Variants in NCKAP5 observed in about 807,000 individuals in gnomAD.
NCKAP5 encodes the protein NCK associated protein 5, also known as nck-associated protein 5.
A neutral mutation model predicts 167.0 loss-of-function variants in NCKAP5; 92 were observed. The observed-to-expected ratio is 0.55, with a 90% CI of 0.47 to 0.66. The LOEUF is 0.66. NCKAP5 is among the 30% of genes least tolerant of loss of function. NCKAP5 has a pLI of 0.00. For synonymous variants in NCKAP5, 891 were observed against 877.4 expected, an observed-to-expected ratio of 1.02 and a Z score of -0.27; for missense variants, 2,378 against 2,315.0, an observed-to-expected ratio of 1.03 and a Z score of -0.56.
intron 9 of NCKAP5, among the ~76,000 whole-genome samples, chr2:132,876,429 T>C (rs1691281466): frequency 1.3e-5 from 2 of 152,186 alleles, no homozygotes; most frequent in Admixed American, 1.3e-4. Context: ...TTTATCCACC[T>C]GTGTATGTTT....
chr2:133,090,748 C>T (rs2081149974), intron 6 of NCKAP5, among the ~76,000 whole-genome samples: 1 of 151,830 alleles, frequency 6.6e-6, no homozygotes, highest in Non-Finnish European at 1.5e-5. Flanking sequence ...GTTTGTTTTG[C>T]CCTAAGACTT....
intron 4 of NCKAP5, among the ~76,000 whole-genome samples, chr2:133,269,297 G>T (rs1470132727): frequency 1.3e-5 from 2 of 152,154 alleles, no homozygotes; most frequent in South Asian, 4.1e-4. Context: ...TTAGAAAAGA[G>T]TACATAAGTA....
At chr2:133,425,229 A>G (rs111837502) in intron 3 of NCKAP5, among the ~76,000 whole-genome samples, 8 of 152,348 alleles carry the variant, frequency 5.3e-5, no homozygotes, top group South Asian at 2.1e-4. Context: ...ACATTATCGC[A>G]CAGGTGAAGA....
At chr2:133,011,000 T>C (rs1044247191) in intron 6 of NCKAP5, among the ~76,000 whole-genome samples, 19 of 152,252 alleles carry the variant, frequency 1.2e-4, no homozygotes, top group African/African-American at 4.1e-4. Flanking sequence ...GATAATAGTA[T>C]AAAATAAAAA....
At chr2:133,621,024 T>A in the NCKAP5 span, among the ~76,000 whole-genome samples, 1 of 152,270 alleles carries the variant, frequency 6.6e-6, no homozygotes, top group Non-Finnish European at 1.5e-5. Context: ...GAATGCACAC[T>A]GGGTCAACAA....
At chr2:133,035,591 T>C (rs2079015786) in intron 6 of NCKAP5, among the ~76,000 whole-genome samples, 1 of 151,794 alleles carries the variant, frequency 6.6e-6, no homozygotes, top group African/African-American at 2.4e-5. Context: ...AAACTTGAAA[T>C]TAATAATGAG....
At chr2:133,095,835 C>G (rs913490928) in intron 6 of NCKAP5, among the ~76,000 whole-genome samples, 1 of 152,096 alleles carries the variant, frequency 6.6e-6, no homozygotes, top group Admixed American at 6.6e-5. Flanking sequence ...TTAAACTGGA[C>G]CATACGAAAT....
intron 3 of NCKAP5, among the ~76,000 whole-genome samples, chr2:133,480,625 C>T (rs1180402265): frequency 6.6e-6 from 1 of 152,180 alleles, no homozygotes; most frequent in Non-Finnish European, 1.5e-5. Context: ...GTAGACAATT[C>T]TACTCTTCAG....
At chr2:133,010,344 C>T (rs930144869) in intron 6 of NCKAP5, among the ~76,000 whole-genome samples, 8 of 152,164 alleles carry the variant, frequency 5.3e-5, no homozygotes, top group Non-Finnish European at 1.0e-4. Context: ...AAACACAAAG[C>T]ATTATAGATC....
chr2:132,733,301 C>A (rs114883362), intron 16 of NCKAP5, among the ~76,000 whole-genome samples: 207 of 152,224 alleles, frequency 1.4e-3, no homozygotes, highest in African/African-American at 4.7e-3. Flanking sequence ...ACTGGGTAAG[C>A]GGAACAACTT....
intron 12 of NCKAP5, among the ~76,000 whole-genome samples, chr2:132,792,381 C>T (rs1684144227): frequency 6.6e-6 from 1 of 152,172 alleles, no homozygotes; most frequent in African/African-American, 2.4e-5. Flanking sequence ...ATATTTGTAT[C>T]TCCACAGATG....
intron 11 of NCKAP5, among the ~76,000 whole-genome samples, chr2:132,812,443 C>T (rs1005125142): frequency 6.6e-6 from 1 of 152,170 alleles, no homozygotes; most frequent in Non-Finnish European, 1.5e-5. Flanking sequence ...TGGACATAAA[C>T]TTAAGGACTG....
chr2:132,743,779 CTATT>C (rs987648869), intron 16 of NCKAP5, among the ~76,000 whole-genome samples: 3 of 151,358 alleles, frequency 2.0e-5, no homozygotes, highest in Non-Finnish European at 3.0e-5. Flanking sequence ...CAAAATATAC[CTATT>C]TATATGCTGT....
Position 133,413,858 on chromosome 2 carries a change from G to A in NCKAP5, c.69+103600C>T, listed in dbSNP as rs530434705. On this transcript the variant is annotated intron_variant, in intron 3 of 19. Coordinates refer to ENST00000409261, the MANE Select transcript of NCKAP5 (RefSeq NM_207363.3). Reference sequence around the variant, plus strand: ...GCTTCACTATTTATGTTATTTGTCTGGTCCCAATGGACATTAGATTTTTCT... The same window carrying A: ...GCTTCACTATTTATGTTATTTGTCTAGTCCCAATGGACATTAGATTTTTCT... 2.0e-5 allele frequency among the ~76,000 whole-genome samples: 3 copies of A among 152,230 alleles called. No homozygotes were observed. In the East Asian group the frequency reaches 5.8e-4, roughly 29 times the overall value.
At chr2:133,533,437 A>G (rs1291285165) in intron 2 of NCKAP5, among the ~76,000 whole-genome samples, 3 of 152,236 alleles carry the variant, frequency 2.0e-5, no homozygotes, top group African/African-American at 7.2e-5. Flanking sequence ...CTTTGATTAC[A>G]TGAGTTCTTA....
At chr2:132,793,600 A>G (rs1684246193) in intron 12 of NCKAP5, among the ~76,000 whole-genome samples, 1 of 152,204 alleles carries the variant, frequency 6.6e-6, no homozygotes, top group Non-Finnish European at 1.5e-5. Context: ...AGGAGAAGCT[A>G]TTAAAGAAGT....
intron 19 of NCKAP5, among the ~76,000 whole-genome samples, chr2:132,682,970 C>T (rs1295856707): frequency 1.3e-5 from 2 of 151,544 alleles, no homozygotes; most frequent in African/African-American, 4.9e-5. Context: ...CTTCAACCTC[C>T]ACCTCCCAGT....
Position 132,785,515 on chromosome 2 carries a change from C to A in NCKAP5, c.1296G>T (p.Ser432=), listed in dbSNP as rs142356779. ...TTCCAGGAGAATATATTCCTTCATTCGAGTTCATGCAATCTTTATAACCCC... is the reference window on the plus strand; with the variant it reads ...TTCCAGGAGAATATATTCCTTCATTAGAGTTCATGCAATCTTTATAACCCC... ...TKWGYKDCMN[S]NEGIYSPGIK... Residue 432 remains serine (S), a synonymous_variant, in exon 14 of 20, where the codon TCG becomes TCT. Coordinates refer to ENST00000409261, the MANE Select transcript of NCKAP5 (RefSeq NM_207363.3). 1.9e-6 allele frequency: 3 copies of A among 1,610,690 alleles called. No homozygotes were observed. Among genetic ancestry groups the A allele is most frequent in the East Asian group, 2.2e-5 (1 of 44,844 alleles).
intron 5 of NCKAP5, among the ~76,000 whole-genome samples, chr2:133,145,218 A>G (rs901868888): frequency 6.6e-6 from 1 of 152,024 alleles, no homozygotes; most frequent in African/African-American, 2.4e-5. Flanking sequence ...AGAAAAAAAA[A>G]TCTATCTCCC....
Sources: allele counts gnomAD v4.1 joint callset (sites outside exome capture counted in the v4.1 genomes callset), GRCh38; gene constraint gnomAD v4.1.1; transcripts MANE v1.5; gene names NCBI Gene and HGNC (gene_info 2026-07-23, HGNC 2026-07-21).